The following FDX1 variants were observed in gnomAD, a reference collection of about 807,000 sequenced individuals.
The protein encoded by FDX1 is adrenodoxin, mitochondrial.
Under a neutral mutation model 14.9 loss-of-function variants are expected in FDX1, and 9 were observed. The ratio of observed to expected loss-of-function variants is 0.60; its 90% CI spans 0.36 to 1.05. FDX1 has a LOEUF of 1.05. Among genes scored for constraint, FDX1 ranks in the 50% least tolerant of loss-of-function variants. FDX1 has a pLI of 0.01. For missense variants in FDX1, 204 were observed against 237.2 expected (o/e 0.86, Z 0.92); for synonymous variants, 92 against 99.4 (o/e 0.93, Z 0.44).
intron 2 of FDX1, among the ~76,000 whole-genome samples, chr11:110,449,219 T>C (rs557249304): frequency 4.0e-4 from 61 of 152,332 alleles, no homozygotes; most frequent in African/African-American, 1.4e-3. Flanking sequence ...TGTTAGCCAG[T>C]ATGTAAACAA....
chr11:110,432,279 C>T (rs766153568), intron 1 of FDX1, among the ~76,000 whole-genome samples: 4 of 152,012 alleles, frequency 2.6e-5, no homozygotes, highest in African/African-American at 9.7e-5. Flanking sequence ...TGTATTGTTT[C>T]GTATGACTCT....
chr11:110,439,226 G>A (rs147318516), intron 2 of FDX1, among the ~76,000 whole-genome samples: 115 of 151,900 alleles, frequency 7.6e-4, no homozygotes, highest in African/African-American at 2.5e-3. Flanking sequence ...CCCCAACCCC[G>A]AGACGGAGTC....
chr11:110,431,526 G>A (rs1360561548), intron 1 of FDX1, among the ~76,000 whole-genome samples: 2 of 152,128 alleles, frequency 1.3e-5, no homozygotes, highest in East Asian at 1.9e-4. Flanking sequence ...TGAACTTTGG[G>A]GGAAATCAGG....
chr11:110,449,035 A>C (rs533724277), intron 2 of FDX1, among the ~76,000 whole-genome samples: 1 of 152,328 alleles, frequency 6.6e-6, no homozygotes, highest in South Asian at 2.1e-4. Context: ...ATAATTTAAA[A>C]TCATTTTTAA....
chr11:110,430,979 G>A (rs1285736765), intron 1 of FDX1, among the ~76,000 whole-genome samples: 1 of 152,154 alleles, frequency 6.6e-6, no homozygotes, highest in Non-Finnish European at 1.5e-5. Context: ...TTCTCCATTT[G>A]CAAGTTGGAT....
chr11:110,431,321 C>T (rs1946329718), intron 1 of FDX1, among the ~76,000 whole-genome samples: 1 of 152,210 alleles, frequency 6.6e-6, no homozygotes, highest in Non-Finnish European at 1.5e-5. Context: ...TTATATAATG[C>T]AGATCTCTCG....
chr11:110,444,692 A>ATATATG (rs1565381892), intron 2 of FDX1, among the ~76,000 whole-genome samples: 12 of 80,396 alleles, frequency 1.5e-4, no homozygotes, highest in African/African-American at 6.9e-4. Context: ...ATACACGTAT[A>ATATATG]TATATATATA....
At position 110,435,851 on chromosome 11, in the gene FDX1, C is replaced by T. The variant is rs774868154; in HGVS notation, c.203C>T (p.Thr68Ile). Reference sequence around the variant, plus strand: ...TTTTCCAGCTCAGAAGATAAAATAACAGTCCACTTTATAAACCGTGATGGT... The same window carrying T: ...TTTTCCAGCTCAGAAGATAAAATAATAGTCCACTTTATAAACCGTGATGGT... ...RARSSSEDKI[T>I]VHFINRDGET... The change falls in exon 2 of 4, where the codon ACA (threonine) becomes ATA (isoleucine). Residue 68 changes from threonine (T) to isoleucine (I), a missense_variant. Coordinates refer to ENST00000260270, the MANE Select transcript of FDX1 (RefSeq NM_004109.5). The T allele has an allele frequency of 5.0e-6, 8 of 1,601,610 alleles. No individual in the cohort carries two copies. In the East Asian group the frequency reaches 1.6e-4, roughly 31 times the overall value.
intron 2 of FDX1, among the ~76,000 whole-genome samples, chr11:110,440,375 A>T (rs1028050403): frequency 1.3e-5 from 2 of 151,770 alleles, no homozygotes. Context: ...GATCTTTCTA[A>T]CTCCTCAATA....
At chr11:110,444,644 G>GTATATATATATA (rs1565381658) in intron 2 of FDX1, among the ~76,000 whole-genome samples, 22 of 87,754 alleles carry the variant, frequency 2.5e-4, no homozygotes, top group African/African-American at 1.2e-3. Context: ...GTGTGTGTGT[G>GTATATATATATA]TGTGTGTATA....
chr11:110,446,562 T>A (rs1946451239), intron 2 of FDX1, among the ~76,000 whole-genome samples: 1 of 152,244 alleles, frequency 6.6e-6, no homozygotes. Context: ...TTTTGCCTTT[T>A]TTCCTCCTGA....
intron 3 of FDX1, among the ~76,000 whole-genome samples, chr11:110,461,557 C>A (rs1243062305): frequency 2.2e-5 from 3 of 136,800 alleles, no homozygotes; most frequent in Non-Finnish European, 1.6e-5. Context: ...AGTAATTCTG[C>A]AAAAAAAAAA....
At chr11:110,438,055 A>T (rs1946382245) in intron 2 of FDX1, among the ~76,000 whole-genome samples, 1 of 152,204 alleles carries the variant, frequency 6.6e-6, no homozygotes, top group Admixed American at 6.5e-5. Context: ...GACTGATTCC[A>T]TATGTTTGCT....
At chr11:110,441,535 C>T (rs758860787) in intron 2 of FDX1, among the ~76,000 whole-genome samples, 9 of 152,256 alleles carry the variant, frequency 5.9e-5, no homozygotes, top group Non-Finnish European at 7.4e-5. Flanking sequence ...AAGAGACTAG[C>T]GCATTTTGCC....
intron 2 of FDX1, among the ~76,000 whole-genome samples, chr11:110,456,003 T>G (rs1946519246): frequency 6.6e-6 from 1 of 152,138 alleles, no homozygotes. Context: ...CAAGGTGGTG[T>G]TTTAGTTCTC....
At chr11:110,446,074 G>A (rs541238862) in intron 2 of FDX1, among the ~76,000 whole-genome samples, 1 of 152,238 alleles carries the variant, frequency 6.6e-6, no homozygotes, top group Admixed American at 6.5e-5. Flanking sequence ...TAAAGATCAA[G>A]TATCCTGACA....
intron 1 of FDX1, among the ~76,000 whole-genome samples, chr11:110,433,446 G>A (rs756515648): frequency 6.6e-6 from 1 of 151,950 alleles, no homozygotes; most frequent in Non-Finnish European, 1.5e-5. Context: ...TTTTCTTTCC[G>A]CTTTTCAGTT....
intron 1 of FDX1, among the ~76,000 whole-genome samples, chr11:110,431,631 G>A (rs77863553): frequency 0.023 from 3,477 of 152,268 alleles, 123 homozygotes; most frequent in African/African-American, 0.075. Flanking sequence ...TTATACAATG[G>A]ATGAGTTTTG....
At chr11:110,430,374 G>A (rs1357084186) in intron 1 of FDX1, 69 bp downstream of exon 1, 21 of 1,063,008 alleles carry the variant, frequency 2.0e-5, no homozygotes, top group Non-Finnish European at 2.5e-5. Flanking sequence ...CTGGCTCTCT[G>A]GGCCGAGTCT....
Sources: gnomAD v4.1 joint callset for allele counts (sites outside exome capture counted in the v4.1 genomes callset) on GRCh38, gnomAD v4.1.1 for gene constraint, MANE v1.5 for transcripts, NCBI Gene and HGNC (gene_info 2026-07-23, HGNC 2026-07-21) for gene names.